Variants in OCLN observed in about 807,000 individuals in gnomAD.
OCLN encodes the protein occludin, also known as phosphatase 1, regulatory subunit 115.
A neutral mutation model predicts 47.9 loss-of-function variants in OCLN; 21 were observed. The ratio of observed to expected loss-of-function variants is 0.44; its 90% CI spans 0.31 to 0.63. OCLN has a LOEUF of 0.63. Among genes scored for constraint, OCLN ranks in the 30% least tolerant of loss-of-function variants. The pLI is 0.08. For synonymous variants in OCLN, 117 were observed against 198.4 expected (o/e 0.59, Z 3.45); for missense variants, 360 against 571.0 (o/e 0.63, Z 3.77).
chr5:69,496,561 CTTT>C (rs77543950), intron 1 of OCLN, among the ~76,000 whole-genome samples: 5 of 122,750 alleles, frequency 4.1e-5, no homozygotes, highest in Non-Finnish European at 6.8e-5. Context: ...TTTTTTTATA[CTTT>C]TTTTTTTTTT....
intron 4 of OCLN, among the ~76,000 whole-genome samples, chr5:69,524,739 T>G (rs1195389568): frequency 6.6e-6 from 1 of 152,248 alleles, no homozygotes; most frequent in African/African-American, 2.4e-5. Context: ...TGGGCTGGAA[T>G]GTAGTGGCAT....
intron 3 of OCLN, among the ~76,000 whole-genome samples, chr5:69,510,409 C>T (rs1177443152): frequency 2.0e-5 from 3 of 152,058 alleles, no homozygotes; most frequent in Non-Finnish European, 2.9e-5. Flanking sequence ...AGACTGGGCA[C>T]GGTGGCTCAT....
intron 7 of OCLN, among the ~76,000 whole-genome samples, chr5:69,549,917 A>T (rs902243713): frequency 1.1e-4 from 17 of 149,328 alleles, no homozygotes; most frequent in Admixed American, 2.0e-4. Flanking sequence ...TTTTATCTTT[A>T]AAAAAAAAAC....
At chr5:69,506,102 C>T (rs751444740) in intron 2 of OCLN, among the ~76,000 whole-genome samples, 5 of 152,114 alleles carry the variant, frequency 3.3e-5, no homozygotes, top group South Asian at 2.1e-4. Context: ...GCTAAAGTGG[C>T]TTGCAGAACT....
chr5:69,497,946 A>C (rs1256525102), intron 1 of OCLN, among the ~76,000 whole-genome samples: 1 of 151,450 alleles, frequency 6.6e-6, no homozygotes, highest in Non-Finnish European at 1.5e-5. Context: ...TCCCGGCTAA[A>C]ACGGTGAAAC....
chr5:69,515,693 TC>T (rs1768938167), intron 4 of OCLN, among the ~76,000 whole-genome samples: 1 of 149,418 alleles, frequency 6.7e-6, no homozygotes. Context: ...GCTCCTCACT[TC>T]CCAGACAGAG....
chr5:69,518,114 T>G (rs901661802), intron 4 of OCLN, among the ~76,000 whole-genome samples: 3 of 152,194 alleles, frequency 2.0e-5, no homozygotes, highest in Non-Finnish European at 4.4e-5. Flanking sequence ...TTTGATAATT[T>G]GGCAAAAGAT....
At chr5:69,510,466 G>A (rs986884775) in intron 3 of OCLN, among the ~76,000 whole-genome samples, 1 of 152,088 alleles carries the variant, frequency 6.6e-6, no homozygotes, top group African/African-American at 2.4e-5. Context: ...CGGATCATGA[G>A]GTCAGGAGAT....
At chr5:69,527,441 G>A (rs909263964) in intron 4 of OCLN, among the ~76,000 whole-genome samples, 2 of 152,228 alleles carry the variant, frequency 1.3e-5, no homozygotes, top group African/African-American at 2.4e-5. Context: ...GGGTCAGTCA[G>A]TATCTGTTGG....
intron 4 of OCLN, among the ~76,000 whole-genome samples, chr5:69,527,042 C>T (rs1242319457): frequency 6.6e-6 from 1 of 152,126 alleles, no homozygotes; most frequent in Non-Finnish European, 1.5e-5. Context: ...CTTTGGGAGG[C>T]CGAGGCGGGC....
chr5:69,497,608 G>A (rs981169606), intron 1 of OCLN, among the ~76,000 whole-genome samples: 3 of 151,668 alleles, frequency 2.0e-5, no homozygotes, highest in African/African-American at 4.8e-5. Flanking sequence ...AGATGGTCTC[G>A]ATCTCCTTGT....
chr5:69,502,289 C>T (rs1156517791), intron 1 of OCLN: 2 of 102,776 alleles, frequency 1.9e-5, no homozygotes, highest in East Asian at 2.5e-4. Context: ...TATGATTGTA[C>T]AGACCGTATT....
At position 69,493,637 on chromosome 5, in the gene OCLN, G is replaced by C. The variant is rs1768206301; in HGVS notation, c.-69+737G>C. 6.6e-6 allele frequency among the ~76,000 whole-genome samples: 1 copy of C among 152,136 alleles called. No homozygotes were observed. Among genetic ancestry groups the C allele is most frequent in the African/African-American group, 2.4e-5 (1 of 41,434 alleles). On this transcript the variant is annotated intron_variant, in intron 1 of 8. Coordinates refer to ENST00000396442, the MANE Select transcript of OCLN (RefSeq NM_001205254.2). This position sits in a 1 kb window ranked among gnomAD's most constrained non-coding sequence, Gnocchi z 5.3. ...CCAAAAGGGCTGCCCCCAGGGGGGC[G>C]GAACTGCCTCCGGGCGGTGCCTGCC...
At chr5:69,504,569 A>G (rs914755060) in intron 2 of OCLN, among the ~76,000 whole-genome samples, 1 of 152,232 alleles carries the variant, frequency 6.6e-6, no homozygotes, top group African/African-American at 2.4e-5. Flanking sequence ...TTTGTTTTGT[A>G]CAAATGATAA....
At chr5:69,510,783 G>C (rs1411098743) in intron 3 of OCLN, among the ~76,000 whole-genome samples, 1 of 152,196 alleles carries the variant, frequency 6.6e-6, no homozygotes, top group Non-Finnish European at 1.5e-5. Flanking sequence ...GGGTGGAATT[G>C]CTGGGTCATA....
chr5:69,509,566 G>A lies in OCLN; in HGVS notation c.476G>A (p.Ser159Asn), dbSNP rs1483801855. ...FIAALVIFVT[S>N]VIRSEMSRTR... ...GCCGCGTTGGTGATCTTTGTTACCA[G>A]TGTTATAAGATCTGAAATGTCCAGA... Residue 159 changes from serine (S) to asparagine (N), a missense_variant, in exon 3 of 9, where the codon AGT (serine) becomes AAT (asparagine). Ser to Asn is a conservative substitution (Grantham distance 46). Coordinates refer to ENST00000396442, the MANE Select transcript of OCLN (RefSeq NM_001205254.2). The A allele has an allele frequency of 6.2e-7, 1 of 1,614,208 alleles. No homozygotes were observed. Among genetic ancestry groups the A allele is most frequent in the Non-Finnish European group, 8.5e-7 (1 of 1,180,030 alleles).
chr5:69,512,009 G>A (rs528966132), intron 3 of OCLN, among the ~76,000 whole-genome samples: 1 of 130,410 alleles, frequency 7.7e-6, no homozygotes, highest in South Asian at 2.6e-4. Context: ...GACAACAAGA[G>A]CAAAACTCTG....
intron 3 of OCLN, among the ~76,000 whole-genome samples, chr5:69,513,481 T>C (rs922562116): frequency 6.6e-6 from 1 of 152,230 alleles, no homozygotes; most frequent in Non-Finnish European, 1.5e-5. Flanking sequence ...TTGCCAAGCA[T>C]ATGTTTTGAA....
rs375417294 is a variant in OCLN, at chr5:69,494,008, C to G, written c.-69+1108C>G. 9.2e-5 allele frequency among the ~76,000 whole-genome samples: 14 copies of G among 152,320 alleles called. No homozygotes were observed. The East Asian group carries it at 2.1e-3, about 23-fold the overall frequency. ...AGGAGGAGGCGGCGGCTTTCCAGGCCAGTCAGTGTGTGGCCCTTAGGCAAC... is the reference window on the plus strand; with the variant it reads ...AGGAGGAGGCGGCGGCTTTCCAGGCGAGTCAGTGTGTGGCCCTTAGGCAAC... On this transcript the variant is annotated intron_variant, in intron 1 of 8. Coordinates refer to ENST00000396442, the MANE Select transcript of OCLN (RefSeq NM_001205254.2).
Sources: allele counts gnomAD v4.1 joint callset (sites outside exome capture counted in the v4.1 genomes callset), GRCh38; gene constraint gnomAD v4.1.1; non-coding constraint Gnocchi (gnomAD v3.1); transcripts MANE v1.5; gene names NCBI Gene and HGNC (gene_info 2026-07-23, HGNC 2026-07-21).